The following TARS2 variants were observed in gnomAD, a reference collection of about 807,000 sequenced individuals.
TARS2 encodes the protein threonyl-tRNA synthetase 2, mitochondrial, also known as threonine--tRNA ligase, mitochondrial.
In TARS2, 61 loss-of-function variants were observed where a neutral mutation model predicts 94.4. The ratio of observed to expected loss-of-function variants is 0.65; its 90% confidence interval spans 0.53 to 0.80. The LOEUF is 0.80. TARS2 is among the 30% of genes least tolerant of loss of function. The pLI is 0.00. For missense variants in TARS2, 704 were observed against 902.5 expected (o/e 0.78, Z 2.82); for synonymous variants, 359 against 353.4 (o/e 1.02, Z -0.18).
intron 3 of TARS2, chr1:150,489,362 A>C (rs1439111388): frequency 1.5e-5 from 6 of 411,704 alleles, no homozygotes; most frequent in African/African-American, 1.2e-4. Context: ...AGCCCCCTCA[A>C]CTCTTGAGCA....
At chr1:150,500,070 C>G (rs1286354615) in intron 13 of TARS2, among the ~76,000 whole-genome samples, 1 of 151,416 alleles carries the variant, frequency 6.6e-6, no homozygotes, top group Non-Finnish European at 1.5e-5. Context: ...AGCTACCCAG[C>G]AGGCTGAGAT....
intron 17 of TARS2, among the ~76,000 whole-genome samples, chr1:150,505,923 C>G (rs1340702289): frequency 6.6e-6 from 1 of 152,188 alleles, no homozygotes; most frequent in African/African-American, 2.4e-5. Flanking sequence ...TAGTTTTCCT[C>G]TTTTTAACTC....
intron 15 of TARS2, 42 bp downstream of exon 15, chr1:150,504,775 G>T: frequency 6.2e-7 from 1 of 1,611,794 alleles, no homozygotes; most frequent in Non-Finnish European, 8.5e-7. Flanking sequence ...CCCCAAACCG[G>T]ATAGTTATGC....
chr1:150,487,883 G>C lies in TARS2; in HGVS notation c.92G>C (p.Trp31Ser). 6.2e-7 allele frequency: 1 copy of C among 1,613,366 alleles called. No individual in the cohort carries two copies. The highest frequency in any genetic ancestry group is 8.5e-7 in the Non-Finnish European group (1 of 1,179,924). The change falls in exon 2 of 18, where the codon TGG (tryptophan) becomes TCG (serine). Residue 31 changes from tryptophan to serine, a missense_variant. Coordinates refer to ENST00000369064, the MANE Select transcript of TARS2 (RefSeq NM_025150.5). The stretch of plus-strand genomic sequence containing the variant: ...GCAGTTGTGTCGACCCCTCCACGCT[G>C]GTTGGCAGAGCGGCTTGGCCTTTTT... The part of the protein sequence containing the change: ...HTAVVSTPPR[W>S]LAERLGLFEE...
intron 17 of TARS2, among the ~76,000 whole-genome samples, chr1:150,506,122 AG>A (rs777288830): frequency 6.6e-6 from 1 of 152,012 alleles, no homozygotes; most frequent in African/African-American, 2.4e-5. Flanking sequence ...TTCATTTTCC[AG>A]GGTTCAGGGC....
rs769017823 is a variant in TARS2 at position 150,487,474 on chromosome 1, G to A, written c.24G>A (p.Arg8=). 6.2e-6 allele frequency: 10 copies of A among 1,614,140 alleles called. No homozygotes were observed. In the African/African-American group the frequency reaches 1.1e-4, roughly 17 times the overall value. The change falls in exon 1 of 18, where the codon CGG becomes CGA. Residue 8 remains arginine, a synonymous_variant. Transcript: ENST00000369064. The stretch of plus-strand genomic sequence containing the variant: ...ACATGGCCCTGTATCAGAGGTGGCG[G>A]TGTCTCCGGCTCCAAGGTTTACAGG... MALYQRW[R]CLRLQGLQAC...
intron 6 of TARS2, 159 bp downstream of exon 6, chr1:150,491,821 G>A (rs889317731): frequency 2.1e-5 from 15 of 716,146 alleles, no homozygotes; most frequent in Admixed American, 1.9e-4. Context: ...TTGAGACGGA[G>A]TCTTGGTCTG....
At position 150,507,104 on chromosome 1, in the gene TARS2, T is replaced by A; in HGVS notation, c.*40T>A. 2 of 1,609,568 alleles carry A rather than the reference T, an allele frequency of 1.2e-6. No homozygotes were observed. The highest frequency in any genetic ancestry group is 2.2e-5 in the South Asian group (2 of 90,862). ...ATGAGGCAAAAACCTGCGAGTGCCATCAGCCTCCCTCACATGGGAGACCCC... is the reference window on the plus strand; with the variant it reads ...ATGAGGCAAAAACCTGCGAGTGCCAACAGCCTCCCTCACATGGGAGACCCC... On this transcript the variant is annotated 3_prime_UTR_variant, in exon 18 of 18. Coordinates refer to ENST00000369064, the MANE Select transcript of TARS2 (RefSeq NM_025150.5).
intron 1 of TARS2, 61 bp downstream of exon 1, chr1:150,487,577 A>C (rs587649904): frequency 6.2e-7 from 1 of 1,608,214 alleles, no homozygotes; most frequent in East Asian, 2.2e-5. Flanking sequence ...GAAGCCCCCA[A>C]ATTTTTATGT....
chr1:150,498,612 G>A lies in TARS2; in HGVS notation c.1349G>A (p.Arg450Gln), dbSNP rs768140532. 2 of 1,612,404 alleles carry A rather than the reference G, an allele frequency of 1.2e-6. No homozygotes were observed. Among genetic ancestry groups the A allele is most frequent in the Non-Finnish European group, 1.7e-6 (2 of 1,179,566 alleles). ...EASGGLGGLT[R>Q]LRCFQQDDAH... ...TCTGGTGGTCTGGGGGGACTGACCC[G>A]ACTGCGGTGCTTCCAGCAGGATGAC... Residue 450 changes from arginine (R) to glutamine (Q), a missense_variant, in exon 11 of 18, where the codon CGA (arginine) becomes CAA (glutamine). Physicochemically the swap from Arg to Gln is conservative, Grantham distance 43. Transcript: ENST00000369064.
intron 13 of TARS2, among the ~76,000 whole-genome samples, chr1:150,501,604 G>A (rs1669925756): frequency 2.0e-5 from 3 of 151,248 alleles, no homozygotes; most frequent in Non-Finnish European, 4.4e-5. Flanking sequence ...CCAAAGTGCT[G>A]GGATTACAGG....
In TARS2 at chr1:150,504,888, C is replaced by T; in HGVS notation, c.1821-18C>T. 4.3e-6 allele frequency: 7 copies of T among 1,614,168 alleles called. No homozygotes were observed. The highest frequency in any genetic ancestry group is 5.9e-6 in the Non-Finnish European group (7 of 1,179,986). Reference sequence around the variant, plus strand: ...GCCAGAGTGACTAATTTGCCATCACCTGTTCTTTCCCTACCAGGCCACTGT... The same window carrying T: ...GCCAGAGTGACTAATTTGCCATCACTTGTTCTTTCCCTACCAGGCCACTGT... On this transcript the variant is annotated intron_variant, in intron 15 of 17. Transcript: ENST00000369064.
intron 7 of TARS2, among the ~76,000 whole-genome samples, chr1:150,494,598 GC>G (rs1669562241): frequency 6.6e-6 from 1 of 152,030 alleles, no homozygotes; most frequent in Non-Finnish European, 1.5e-5. Flanking sequence ...AATTAGCTGG[GC>G]GTGGTGGCAT....
chr1:150,504,793 C>T, intron 15 of TARS2, 60 bp downstream of exon 15: 1 of 1,607,010 alleles, frequency 6.2e-7, no homozygotes, highest in South Asian at 1.1e-5. Flanking sequence ...TGCTCCAGAT[C>T]CTGTCCCCCT....
At chr1:150,491,960 AGTT>A in intron 6 of TARS2, 1 of 116,436 alleles carries the variant, frequency 8.6e-6, no homozygotes. Flanking sequence ...ATGCCTGGCT[AGTT>A]TTTTTTTTTT....
intron 7 of TARS2, among the ~76,000 whole-genome samples, chr1:150,495,135 ACGC>A (rs1313453780): frequency 6.7e-6 from 1 of 148,628 alleles, no homozygotes; most frequent in Non-Finnish European, 1.5e-5. Flanking sequence ...AGCCAAGATC[ACGC>A]CACTGCACTC....
At position 150,498,371 on chromosome 1, in the gene TARS2, G is replaced by A. The variant is rs143610204; in HGVS notation, c.1239-131G>A. 3,708 of 1,124,380 alleles carry A rather than the reference G, an allele frequency of 3.3e-3. 9 individuals carry two copies. The highest frequency in any genetic ancestry group is 4.1e-3 in the Non-Finnish European group (3,391 of 824,692). The allele number at this position is 1,124,380 out of a possible 1,614,324, so 69.7% of individuals were successfully genotyped here. A position where few individuals can be genotyped will look rare whatever the true frequency, so the allele number is the denominator to read the frequency against. ...GAGTGGGATTGACAGGACTCAGTGG[G>A]AGGATGTGCTGAGGCTGGAGAGGGT... is the stretch of plus-strand genomic sequence containing the variant. On this transcript the variant is annotated intron_variant, in intron 10 of 17. Transcript: ENST00000369064.
At position 150,506,960 on chromosome 1, in the gene TARS2, A is replaced by G. The variant is rs766784890; in HGVS notation, c.2053A>G (p.Thr685Ala). 4 of 1,614,028 alleles carry G rather than the reference A, an allele frequency of 2.5e-6. No homozygotes were observed. The Admixed American group carries it at 6.7e-5, about 27-fold the overall frequency. The part of the protein sequence containing the change: ...EQSKRTVNIR[T>A]RDNRRLGEWD... The stretch of plus-strand genomic sequence containing the variant: ...AAGTAAGAGAACAGTGAACATTCGG[A>G]CTCGAGATAATCGTCGCCTTGGGGA... The change falls in exon 18 of 18, where the codon ACT (threonine) becomes GCT (alanine). Residue 685 changes from threonine (T) to alanine (A), a missense_variant. Around this residue, in one of 3 missense-constraint regions of TARS2, gnomAD observed 466 missense variants for 609.5 expected, o/e 0.76. Coordinates refer to ENST00000369064, the MANE Select transcript of TARS2 (RefSeq NM_025150.5).
chr1:150,505,673 G>A lies in TARS2; in HGVS notation c.1976G>A (p.Arg659Gln), dbSNP rs370297728. Residue 659 changes from arginine (R) to glutamine (Q), a missense_variant, in exon 17 of 18, where the codon CGG becomes CAG. Physicochemically the swap from Arg to Gln is conservative, Grantham distance 43. Coordinates refer to ENST00000369064, the MANE Select transcript of TARS2 (RefSeq NM_025150.5). ...CTGACCCTCAGCCGGAGAATCCGCC[G>A]GGCCCAGCTTGCCCACTACAATTTT... Reference protein sequence around the residue: ...SGLTLSRRIRRAQLAHYNFQF... With the variant: ...SGLTLSRRIRQAQLAHYNFQF... The A allele has an allele frequency of 2.0e-5, 33 of 1,614,024 alleles. No individual in the cohort carries two copies. The African/African-American group carries it at 2.1e-4, about 10-fold the overall frequency.
Sources: gnomAD v4.1 joint callset for allele counts (sites outside exome capture counted in the v4.1 genomes callset) on GRCh38, gnomAD v4.1.1 for gene constraint, gnomAD v4.1.1 regional missense constraint, MANE v1.5 for transcripts, NCBI Gene and HGNC (gene_info 2026-07-23, HGNC 2026-07-21) for gene names.